Variants in MGA observed in about 807,000 individuals in gnomAD.
The protein encoded by MGA is MAX gene-associated protein.
MGA carries 40 observed loss-of-function variants against 261.1 expected under a neutral mutation model. The ratio of observed to expected loss-of-function variants is 0.15; its 90% CI spans 0.12 to 0.20. The LOEUF (loss-of-function observed/expected upper bound fraction) is 0.20, where lower values mean the gene tolerates loss of function less well. Among genes scored for constraint, MGA ranks in the 10% least tolerant of loss-of-function variants. The pLI is 1.00. For missense variants in MGA, 3,397 were observed against 3,630.5 expected (o/e 0.94, Z 1.65); for synonymous variants, 1,302 against 1,290.6 (o/e 1.01, Z -0.19).
intron 17 of MGA, 137 bp from the exon 18 acceptor site, chr15:41,754,300 A>G (rs995347632): frequency 4.3e-6 from 3 of 700,392 alleles, no homozygotes; most frequent in Non-Finnish European, 4.5e-6. Context: ...ATGACTAACA[A>G]TCTTAGGATT....
chr15:41,637,617 G>C (rs974995540), intron 1 of MGA, among the ~76,000 whole-genome samples: 1 of 152,168 alleles, frequency 6.6e-6, no homozygotes, highest in African/African-American at 2.4e-5. Flanking sequence ...GTTCCCCCAG[G>C]TTGAGGGGAA....
intron 1 of MGA, among the ~76,000 whole-genome samples, chr15:41,667,582 G>A (rs992511722): frequency 7.2e-5 from 11 of 151,918 alleles, no homozygotes; most frequent in Non-Finnish European, 1.2e-4. Flanking sequence ...CTTTCACTAC[G>A]TTGGACAGGC....
At chr15:41,690,535 A>T (rs912084652) in intron 2 of MGA, among the ~76,000 whole-genome samples, 2 of 151,976 alleles carry the variant, frequency 1.3e-5, no homozygotes, top group African/African-American at 4.8e-5. Flanking sequence ...CTGTTAGTTG[A>T]TCTGTATATC....
intron 11 of MGA, among the ~76,000 whole-genome samples, chr15:41,734,288 AT>A (rs992546136): frequency 2.6e-5 from 4 of 152,016 alleles, no homozygotes; most frequent in Non-Finnish European, 5.9e-5. Context: ...TACAATGTGA[AT>A]TTTTTTCTTG....
intron 7 of MGA, 36 bp from the exon 8 acceptor site, chr15:41,710,655 G>A (rs1936591337): frequency 1.3e-6 from 2 of 1,541,360 alleles, no homozygotes; most frequent in Non-Finnish European, 1.8e-6. Flanking sequence ...ATCTGTCCTA[G>A]ATTTCTTTAA....
Position 41,696,127 on chromosome 15 carries a change from C to A in MGA, c.1117C>A (p.Gln373Lys). The stretch of plus-strand genomic sequence containing the variant: ...CTCCCGTGTAGCCTCACCGTTAGAC[C>A]AGAACGGAAGCTTCAATGTTGTTAT... The change falls in exon 3 of 24, where the codon CAG becomes AAG. Residue 373 changes from glutamine (Q) to lysine (K), a missense_variant. By Grantham distance (53) the Gln-to-Lys change is moderately conservative. Transcript: ENST00000219905. 1 of 1,613,790 alleles carries A rather than the reference C, an allele frequency of 6.2e-7. No individual in the cohort carries two copies. The highest frequency in any genetic ancestry group is 8.5e-7 in the Non-Finnish European group (1 of 1,179,864).
At chr15:41,646,135 A>G (rs947139680) in intron 1 of MGA, among the ~76,000 whole-genome samples, 17 of 152,168 alleles carry the variant, frequency 1.1e-4, no homozygotes, top group African/African-American at 3.9e-4. Flanking sequence ...GAAAAAGTTT[A>G]TTTTCTCTGG....
Position 41,741,274 on chromosome 15 carries a change from G to A in MGA, c.4585+1071G>A, listed in dbSNP as rs188007720. Among the ~76,000 whole-genome samples, 100 of 145,168 alleles carry A rather than the reference G, an allele frequency of 6.9e-4. 1 individual carries two copies. Among genetic ancestry groups the A allele is most frequent in the Admixed American group, 5.8e-3 (80 of 13,852 alleles). On this transcript the variant is annotated intron_variant, in intron 14 of 23. Coordinates refer to ENST00000219905, the MANE Select transcript of MGA (RefSeq NM_001164273.2). ...AGGCAGGAGAATCACTTGAACCCGG[G>A]AGGCAGAGGTTGCAGTAATCCGAAA... is the stretch of plus-strand genomic sequence containing the variant.
At chr15:41,762,460 G>GTTT (rs1491528643) in intron 22 of MGA, 98 bp downstream of exon 22, 47 of 190,526 alleles carry the variant, frequency 2.5e-4, no homozygotes, top group African/African-American at 4.2e-4. Context: ...AGTTTTGTGT[G>GTTT]GTTTTTTTTT....
At chr15:41,734,400 T>C (rs941221752) in intron 11 of MGA, 122 bp from the exon 12 acceptor site, 5 of 775,600 alleles carry the variant, frequency 6.4e-6, no homozygotes, top group Non-Finnish European at 8.5e-6. Context: ...ATTGAAGCTG[T>C]TGACATTTCA....
chr15:41,762,461 G>GCTTTTT (rs2063522826), intron 22 of MGA, 99 bp downstream of exon 22: 2 of 125,094 alleles, frequency 1.6e-5, no homozygotes, highest in Admixed American at 1.9e-4. Flanking sequence ...GTTTTGTGTG[G>GCTTTTT]TTTTTTTTTT....
At position 41,767,592 on chromosome 15, in the gene MGA, C is replaced by G. The variant is rs370003241; in HGVS notation, c.*312C>G. 1.2e-5 allele frequency: 4 copies of G among 331,504 alleles called. No individual in the cohort carries two copies. The highest frequency in any genetic ancestry group is 1.0e-4 in the East Asian group (2 of 19,056). 20.5% of individuals were successfully genotyped at this position (331,504 alleles called of 1,614,324 possible). ...AATTTATAACATGACTCTGGCTCCA[C>G]AGTGGTTTCTAGTTCTTCCCCCACA... On this transcript the variant is annotated 3_prime_UTR_variant, in exon 24 of 24. Transcript: ENST00000219905.
chr15:41,765,344 C>A (rs1208379245), intron 23 of MGA, among the ~76,000 whole-genome samples: 1 of 152,140 alleles, frequency 6.6e-6, no homozygotes, highest in Non-Finnish European at 1.5e-5. Flanking sequence ...GTTAAATGAT[C>A]ATGGTCTTAG....
rs890023338 is a variant in MGA, at chr15:41,767,920, AC to A, written c.*641del. 6.6e-6 allele frequency: 1 copy of A among 152,524 alleles called. No homozygotes were observed. Among genetic ancestry groups the A allele is most frequent in the Non-Finnish European group, 1.5e-5 (1 of 68,040 alleles). The allele number at this position is 152,524 out of a possible 1,614,324, so 9.4% of individuals were successfully genotyped here. A position where few individuals can be genotyped will look rare whatever the true frequency, so the allele number is the denominator to read the frequency against. ...CTTCAGTAAAGTAGGGATGCTTTTA[AC>A]TTTTATTATTAATTATTTTGAGATC... On this transcript the variant is annotated 3_prime_UTR_variant, in exon 24 of 24. Coordinates refer to ENST00000219905, the MANE Select transcript of MGA (RefSeq NM_001164273.2).
rs1189331545 is a variant in MGA, at chr15:41,669,545, A to G, written c.651A>G (p.Gln217=). 1 of 1,614,042 alleles carries G rather than the reference A, an allele frequency of 6.2e-7. No individual in the cohort carries two copies. The highest frequency in any genetic ancestry group is 1.1e-5 in the South Asian group (1 of 91,088). ...CAGAAAAGGCTGTGGAGGTGATACA[A>G]TTAAATGGCCCTGGTGTCCACACTT... Residue 217 remains glutamine (Q), a synonymous_variant, in exon 2 of 24, where the codon CAA becomes CAG. Coordinates refer to ENST00000219905, the MANE Select transcript of MGA (RefSeq NM_001164273.2).
chr15:41,730,177 AGCCACT>A (rs1453501873), intron 11 of MGA, among the ~76,000 whole-genome samples: 1 of 151,944 alleles, frequency 6.6e-6, no homozygotes, highest in Non-Finnish European at 1.5e-5. Context: ...TACAGGCGTG[AGCCACT>A]GCACCCAGCC....
intron 22 of MGA, among the ~76,000 whole-genome samples, chr15:41,762,599 C>A (rs2063544617): frequency 6.7e-6 from 1 of 149,154 alleles, no homozygotes; most frequent in Non-Finnish European, 1.5e-5. Flanking sequence ...TCCTGAGTAG[C>A]TGGGACTACA....
upstream of MGA, among the ~76,000 whole-genome samples, chr15:41,658,294 C>T (rs1435283321): frequency 3.9e-5 from 6 of 152,186 alleles, no homozygotes; most frequent in African/African-American, 1.4e-4. Flanking sequence ...ATCACTTTAG[C>T]AGTTAGCTTG....
chr15:41,735,743 A>G (rs2061744172), intron 12 of MGA, among the ~76,000 whole-genome samples: 1 of 152,226 alleles, frequency 6.6e-6, no homozygotes. Context: ...AAAAAAAAAA[A>G]AAAATCAGAA....
Sources: gnomAD v4.1 joint callset for allele counts (sites outside exome capture counted in the v4.1 genomes callset) on GRCh38, gnomAD v4.1.1 for gene constraint, MANE v1.5 for transcripts, NCBI Gene and HGNC (gene_info 2026-07-23, HGNC 2026-07-21) for gene names.